The following AKAP6 variants were observed in gnomAD, a reference collection of about 807,000 sequenced individuals.
AKAP6 encodes the protein A-kinase anchor protein 6.
A neutral mutation model predicts 188.5 loss-of-function variants in AKAP6; 58 were observed. That is an observed-to-expected ratio of 0.31 (90% CI 0.25 to 0.38). The LOEUF is 0.38. AKAP6 is among the 10% of genes least tolerant of loss of function. AKAP6 has a pLI of 1.00. For synonymous variants in AKAP6, 989 were observed against 998.6 expected, an observed-to-expected ratio of 0.99 and a Z score of 0.18; for missense variants, 2,710 against 2,740.0, an observed-to-expected ratio of 0.99 and a Z score of 0.24.
At chr14:32,406,454 C>A (rs1889298506) in intron 1 of AKAP6, among the ~76,000 whole-genome samples, 1 of 152,116 alleles carries the variant, frequency 6.6e-6, no homozygotes, top group Non-Finnish European at 1.5e-5. Context: ...GTGATCTGCC[C>A]ACCTTGGCCT....
Position 32,822,580 on chromosome 14 carries a change from C to G in AKAP6, c.4767C>G (p.Ser1589Arg). The change falls in exon 13 of 14, where the codon AGC (serine) becomes AGG (arginine). Residue 1589 changes from serine to arginine, a missense_variant. Around this residue, in one of 2 missense-constraint regions of AKAP6, gnomAD observed 2,473 missense variants for 2,426.1 expected, o/e 1.02. Coordinates refer to ENST00000280979, the MANE Select transcript of AKAP6 (RefSeq NM_004274.5). Reference sequence around the variant, plus strand: ...GCATCTTTAAAAATGGCAGTGACAGCCTCCAGCGAAGCACTTCTTTAGAAA... The same window carrying G: ...GCATCTTTAAAAATGGCAGTGACAGGCTCCAGCGAAGCACTTCTTTAGAAA... ...GLGIFKNGSD[S>R]LQRSTSLESW... 1 of 1,613,954 alleles carries G rather than the reference C, an allele frequency of 6.2e-7. No homozygotes were observed.
chr14:32,362,741 A>G (rs1188205485), intron 1 of AKAP6, among the ~76,000 whole-genome samples: 1 of 152,158 alleles, frequency 6.6e-6, no homozygotes, highest in Non-Finnish European at 1.5e-5. Context: ...AGCCATCCTA[A>G]GGAGTTAAGA....
At chr14:32,655,073 T>C (rs1156595916) in intron 7 of AKAP6, among the ~76,000 whole-genome samples, 4 of 152,144 alleles carry the variant, frequency 2.6e-5, no homozygotes, top group Admixed American at 1.3e-4. Context: ...AGGAATAAGA[T>C]ATTAATGAGT....
At chr14:32,330,534 A>T (rs1399554078) in intron 1 of AKAP6, among the ~76,000 whole-genome samples, 1 of 152,000 alleles carries the variant, frequency 6.6e-6, no homozygotes, top group African/African-American at 2.4e-5. Flanking sequence ...CAATATGTCC[A>T]CTTAGAATCA....
chr14:32,606,231 A>C (rs1364709632), intron 7 of AKAP6, among the ~76,000 whole-genome samples: 1 of 152,182 alleles, frequency 6.6e-6, no homozygotes, highest in Non-Finnish European at 1.5e-5. Context: ...AAAGTTTATC[A>C]CTTCAGATTA....
chr14:32,671,491 C>CT (rs1363422744), intron 7 of AKAP6, among the ~76,000 whole-genome samples: 1 of 144,488 alleles, frequency 6.9e-6, no homozygotes, highest in East Asian at 2.3e-4. Flanking sequence ...CTTTTTCTCT[C>CT]TATTTTTTTT....
intron 12 of AKAP6, among the ~76,000 whole-genome samples, chr14:32,802,652 C>T (rs759524247): frequency 6.6e-6 from 1 of 152,086 alleles, no homozygotes; most frequent in African/African-American, 2.4e-5. Context: ...CAAATTTACC[C>T]TCAGAAAATA....
intron 5 of AKAP6, among the ~76,000 whole-genome samples, chr14:32,583,319 C>T (rs1357630622): frequency 6.6e-5 from 10 of 152,256 alleles, no homozygotes; most frequent in African/African-American, 9.6e-5. Context: ...TCGTGAACCG[C>T]GAATGCTGCT....
chr14:32,752,245 T>C (rs1187051274), intron 11 of AKAP6, among the ~76,000 whole-genome samples: 6 of 152,148 alleles, frequency 3.9e-5, no homozygotes, highest in African/African-American at 1.2e-4. Flanking sequence ...TAGGGTAAAC[T>C]GTCTGATGTC....
chr14:32,353,111 C>G (rs954667274), intron 1 of AKAP6, among the ~76,000 whole-genome samples: 11 of 152,096 alleles, frequency 7.2e-5, no homozygotes, highest in African/African-American at 2.7e-4. Context: ...CCTCCCATTT[C>G]TCCACCAGTG....
chr14:32,811,066 C>T (rs552177787), intron 12 of AKAP6, among the ~76,000 whole-genome samples: 1 of 151,740 alleles, frequency 6.6e-6, no homozygotes, highest in African/African-American at 2.4e-5. Flanking sequence ...GGAGAAACCC[C>T]GTCTCTACTA....
chr14:32,468,225 GTTAATA>G, intron 2 of AKAP6, among the ~76,000 whole-genome samples: 1 of 152,148 alleles, frequency 6.6e-6, no homozygotes, highest in Non-Finnish European at 1.5e-5. Flanking sequence ...TAGGTACTCT[GTTAATA>G]TTTACTGATG....
chr14:32,530,948 A>G (rs1020999442), intron 2 of AKAP6, among the ~76,000 whole-genome samples: 3 of 152,252 alleles, frequency 2.0e-5, no homozygotes, highest in Non-Finnish European at 2.9e-5. Context: ...GTTTATTTGT[A>G]AACAGTCTCA....
rs558461404 is a variant in AKAP6, at chr14:32,547,700, CA to C, written c.2346+702del. Among the ~76,000 whole-genome samples the C allele has an allele frequency of 1.1e-3, 160 of 152,136 alleles. 2 individuals carry two copies. In the South Asian group the frequency reaches 0.019, roughly 18 times the overall value. On this transcript the variant is annotated intron_variant, in intron 4 of 13. Transcript: ENST00000280979. ...AGGGAGACCCCATCTCTATATTAGC[CA>C]GGAGCGGTGGCACACACCTGTGGTC...
At chr14:32,748,067 C>T (rs1028929493) in intron 11 of AKAP6, among the ~76,000 whole-genome samples, 1 of 152,148 alleles carries the variant, frequency 6.6e-6, no homozygotes, top group Non-Finnish European at 1.5e-5. Context: ...GCCTCTGAAA[C>T]CAGAGAATGA....
At chr14:32,410,780 T>A (rs1399824847) in intron 1 of AKAP6, among the ~76,000 whole-genome samples, 1 of 152,190 alleles carries the variant, frequency 6.6e-6, no homozygotes, top group Non-Finnish European at 1.5e-5. Flanking sequence ...TTTGTTTTTG[T>A]TTTTTACTTT....
intron 2 of AKAP6, among the ~76,000 whole-genome samples, chr14:32,512,508 G>A (rs1881310914): frequency 6.6e-6 from 1 of 152,102 alleles, no homozygotes; most frequent in South Asian, 2.1e-4. Flanking sequence ...AATGTTATAG[G>A]ATTATTTGAA....
intron 7 of AKAP6, among the ~76,000 whole-genome samples, chr14:32,671,601 TG>T (rs1050792247): frequency 1.3e-5 from 2 of 151,900 alleles, no homozygotes; most frequent in Admixed American, 1.3e-4. Context: ...AAGGCAATTT[TG>T]GGGGGTGATC....
At chr14:32,599,260 A>T (rs1210125148) in intron 5 of AKAP6, 150 bp from the exon 6 acceptor site, 2 of 587,804 alleles carry the variant, frequency 3.4e-6, no homozygotes, top group Admixed American at 3.3e-5. Context: ...CCAGATCCCA[A>T]ATATCAATAG....
Sources: allele counts gnomAD v4.1 joint callset (sites outside exome capture counted in the v4.1 genomes callset), GRCh38; gene constraint gnomAD v4.1.1; regional missense constraint gnomAD v4.1.1; transcripts MANE v1.5; gene names NCBI Gene and HGNC (gene_info 2026-07-23, HGNC 2026-07-21).